The following ABCA3 variants were observed in gnomAD, a reference collection of about 807,000 sequenced individuals.
The protein encoded by ABCA3 is phospholipid-transporting ATPase ABCA3.
Under a neutral mutation model 172.8 loss-of-function variants are expected in ABCA3, and 88 were observed. The ratio of observed to expected loss-of-function variants is 0.51; its 90% CI spans 0.43 to 0.61. ABCA3 has a LOEUF of 0.61. Ranked by LOEUF, ABCA3 falls within the 20% of genes least tolerant of loss-of-function variation. The probability of loss-of-function intolerance (pLI) is 0.00; values close to 1 mark genes in which losing one functional copy is unlikely to be tolerated. For missense variants in ABCA3, 2,164 were observed against 2,301.0 expected, an observed-to-expected ratio of 0.94 and a Z score of 1.22; for synonymous variants, 1,066 against 983.8, an observed-to-expected ratio of 1.08 and a Z score of -1.56.
In ABCA3 at chr16:2,297,441, C is replaced by A; in HGVS notation, c.2151G>T (p.Val717=). 1 of 1,613,830 alleles carries A rather than the reference C, an allele frequency of 6.2e-7. No homozygotes were observed. The highest frequency in any genetic ancestry group is 8.5e-7 in the Non-Finnish European group (1 of 1,180,036). The change falls in exon 17 of 33, where the codon GTG becomes GTT. Residue 717 remains valine (V), a synonymous_variant. Coordinates refer to ENST00000301732, the MANE Select transcript of ABCA3 (RefSeq NM_001089.3). This position sits in a 1 kb window ranked among gnomAD's most constrained non-coding sequence, Gnocchi z 5.6. ...CCTCGTCCATGAAGTGGGTGGTCAG[C>A]ACGATGGTGCGGTCACTTTTCTGCC... ...LQRQKSDRTI[V]LTTHFMDEAD...
chr16:2,300,279 C>T (rs905657334), intron 12 of ABCA3, 131 bp from the exon 13 acceptor site: 14 of 1,332,702 alleles, frequency 1.1e-5, no homozygotes, highest in Admixed American at 5.7e-5. Flanking sequence ...GTGGAGAAGG[C>T]GCTACTCAGG....
At chr16:2,335,037 CAG>C (rs1370319261) in intron 1 of ABCA3, among the ~76,000 whole-genome samples, 4 of 151,992 alleles carry the variant, frequency 2.6e-5, no homozygotes, top group Non-Finnish European at 4.4e-5. Context: ...CCATGTTGGC[CAG>C]GCTGGTCTCG....
chr16:2,294,828 CA>C (rs1368895092), intron 18 of ABCA3, among the ~76,000 whole-genome samples: 1 of 151,726 alleles, frequency 6.6e-6, no homozygotes, highest in Non-Finnish European at 1.5e-5. Flanking sequence ...ACTAAAAATA[CA>C]AAAATTAGCC....
chr16:2,305,169 T>G (rs1033514258), intron 11 of ABCA3, among the ~76,000 whole-genome samples: 1 of 152,126 alleles, frequency 6.6e-6, no homozygotes, highest in Non-Finnish European at 1.5e-5. Flanking sequence ...AGTCTTGCTC[T>G]GTCACCCAGG....
chr16:2,320,570 T>C (rs1303431568), intron 7 of ABCA3, among the ~76,000 whole-genome samples: 3 of 151,688 alleles, frequency 2.0e-5, no homozygotes, highest in Non-Finnish European at 2.9e-5. Flanking sequence ...TTTTTTTTTT[T>C]GTATTTTTAG....
rs749566435 is a variant in ABCA3 at position 2,304,109 on chromosome 16, C to T, written c.1327G>A (p.Val443Met). 2.7e-5 allele frequency: 43 copies of T among 1,614,182 alleles called. No homozygotes were observed. The East Asian group carries it at 3.1e-4, about 12-fold the overall frequency. The change falls in exon 12 of 33, where the codon GTG (valine) becomes ATG (methionine). Residue 443 changes from valine to methionine, a missense_variant. This residue lies in a region of ABCA3 where 1,343 missense variants were observed against 1,369.6 expected (regional missense o/e 0.98). Coordinates refer to ENST00000301732, the MANE Select transcript of ABCA3 (RefSeq NM_001089.3). ...QWRDLLSPVN[V>M]DDDFCFGQVL... ...TGCCCGAAGCAGAAGTCGTCGTCCA[C>T]GTTGACGGGACTCAGGAGGTCTCGC...
intron 20 of ABCA3, 23 bp from the exon 21 acceptor site, chr16:2,288,352 G>T: frequency 6.5e-7 from 1 of 1,538,404 alleles, no homozygotes; most frequent in South Asian, 1.2e-5. Flanking sequence ...GGACGCAGGT[G>T]ACACCGGCAC....
intron 11 of ABCA3, among the ~76,000 whole-genome samples, chr16:2,305,126 A>G (rs1251106295): frequency 6.7e-6 from 1 of 149,744 alleles, no homozygotes; most frequent in African/African-American, 2.5e-5. Context: ...ATAAGTCTTT[A>G]TTTGTTTATT....
In ABCA3 at chr16:2,281,404, G is replaced by C; in HGVS notation, c.4141C>G (p.Leu1381Val). 1 of 1,613,764 alleles carries C rather than the reference G, an allele frequency of 6.2e-7. No homozygotes were observed. Among genetic ancestry groups the C allele is most frequent in the Non-Finnish European group, 8.5e-7 (1 of 1,179,982 alleles). ...PSPDSLLHTP[L>V]IIKELSKVYE... ...ACCTTGGAGAGCTCCTTGATAATCA[G>C]AGGTGTGTGGAGCAGGGAGTCCGGA... Residue 1381 changes from leucine (L) to valine (V), a missense_variant, in exon 27 of 33, where the codon CTG becomes GTG. Physicochemically the swap from Leu to Val is conservative, Grantham distance 32. Coordinates refer to ENST00000301732, the MANE Select transcript of ABCA3 (RefSeq NM_001089.3). This position sits in a 1 kb window ranked among gnomAD's most constrained non-coding sequence, Gnocchi z 4.7.
At chr16:2,298,667 C>T (rs934723597) in intron 14 of ABCA3, 127 bp from the exon 15 acceptor site, 38 of 1,137,636 alleles carry the variant, frequency 3.3e-5, no homozygotes, top group Admixed American at 6.2e-5. Flanking sequence ...TGAGAGGGCA[C>T]GGAACCCCAC....
chr16:2,332,817 T>C (rs574393689), intron 1 of ABCA3: 17 of 281,344 alleles, frequency 6.0e-5, no homozygotes, highest in East Asian at 2.1e-4. Context: ...CTATGTGCCC[T>C]TTTTTTTTTT....
At chr16:2,312,688 C>A (rs2093708449) in intron 10 of ABCA3, among the ~76,000 whole-genome samples, 1 of 152,004 alleles carries the variant, frequency 6.6e-6, no homozygotes, top group Admixed American at 6.6e-5. Flanking sequence ...ACGACCACGC[C>A]CAGCAAATTT....
Position 2,285,675 on chromosome 16 carries a change from G to A in ABCA3, c.3279-29C>T, listed in dbSNP as rs905072392. 2 of 1,549,900 alleles carry A rather than the reference G, an allele frequency of 1.3e-6. No homozygotes were observed. The highest frequency in any genetic ancestry group is 1.7e-6 in the Non-Finnish European group (2 of 1,146,004). ...CGGGGGACAGAGAAGGTCAGGGACG[G>A]AGCACAGCACGTCTGGGTGGCAGGA... On this transcript the variant is annotated intron_variant, in intron 22 of 32. Transcript: ENST00000301732. This position sits in a 1 kb window ranked among gnomAD's most constrained non-coding sequence, Gnocchi z 4.7.
chr16:2,317,738 G>A lies in ABCA3; in HGVS notation c.900C>T (p.Ser300=), dbSNP rs1419432462. The A allele has an allele frequency of 6.8e-6, 11 of 1,614,248 alleles. No individual in the cohort carries two copies. Among genetic ancestry groups the A allele is most frequent in the Non-Finnish European group, 7.6e-6 (9 of 1,180,038 alleles). ...LKEYMRMMGL[S]SWLHWSAWFL... ...ACCAGGCACTCCAGTGCAGCCAGCT[G>A]CTGAGCCCCATCATGCGCATGTACT... is the stretch of plus-strand genomic sequence containing the variant. The change falls in exon 9 of 33, where the codon AGC becomes AGT. Residue 300 remains serine (S), a synonymous_variant. Transcript: ENST00000301732.
intron 19 of ABCA3, among the ~76,000 whole-genome samples, chr16:2,290,772 T>C (rs571216838): frequency 1.7e-4 from 26 of 152,304 alleles, no homozygotes; most frequent in African/African-American, 6.0e-4. Context: ...TGCACAGGTG[T>C]CCCCAGAGCA....
At chr16:2,325,497 T>C (rs1216104581) in intron 5 of ABCA3, among the ~76,000 whole-genome samples, 1 of 152,196 alleles carries the variant, frequency 6.6e-6, no homozygotes, top group African/African-American at 2.4e-5. Context: ...TGATGCTAGA[T>C]GGGCTTGATG....
At chr16:2,305,029 T>C (rs923409999) in intron 11 of ABCA3, among the ~76,000 whole-genome samples, 1 of 152,120 alleles carries the variant, frequency 6.6e-6, no homozygotes, top group Non-Finnish European at 1.5e-5. Context: ...CCCAGCCTGG[T>C]CTCGAACTCC....
chr16:2,339,798 A>C (rs1001525228), intron 1 of ABCA3, among the ~76,000 whole-genome samples: 9 of 152,218 alleles, frequency 5.9e-5, no homozygotes, highest in Non-Finnish European at 8.8e-5. Context: ...TGCGACAGAC[A>C]CCAAGCGCCT....
At chr16:2,280,467 C>T (rs1016574909) in intron 28 of ABCA3, among the ~76,000 whole-genome samples, 1 of 152,224 alleles carries the variant, frequency 6.6e-6, no homozygotes, top group African/African-American at 2.4e-5. Context: ...TGTGCTCTGG[C>T]CCAGGGCCTC....
Sources: allele counts gnomAD v4.1 joint callset (sites outside exome capture counted in the v4.1 genomes callset), GRCh38; gene constraint gnomAD v4.1.1; regional missense constraint gnomAD v4.1.1; non-coding constraint Gnocchi (gnomAD v3.1); transcripts MANE v1.5; gene names NCBI Gene and HGNC (gene_info 2026-07-23, HGNC 2026-07-21).